Variants in TRDN observed in about 807,000 individuals in gnomAD.
TRDN encodes the protein triadin in skeletal muscle.
TRDN carries 161 observed loss-of-function variants against 149.7 expected under a neutral mutation model. The ratio of observed to expected loss-of-function variants is 1.08; its 90% CI spans 0.95 to 1.23. TRDN has a LOEUF of 1.23. Among genes scored for constraint, TRDN ranks in the 50% most tolerant of loss-of-function variants. TRDN has a pLI of 0.00. For synonymous variants in TRDN, 294 were observed against 250.5 expected (o/e 1.17, Z -1.64); for missense variants, 896 against 823.5 (o/e 1.09, Z -1.08).
chr6:123,225,342 T>C (rs1238744730), intron 38 of TRDN, among the ~76,000 whole-genome samples: 2 of 151,692 alleles, frequency 1.3e-5, no homozygotes, highest in Non-Finnish European at 3.0e-5. Flanking sequence ...AAAATTTGTT[T>C]GTTTATTTAT....
At chr6:123,223,652 G>T (rs1317172386) in intron 39 of TRDN, among the ~76,000 whole-genome samples, 2 of 149,300 alleles carry the variant, frequency 1.3e-5, no homozygotes, top group South Asian at 4.3e-4. Flanking sequence ...GAGTGCAGGG[G>T]TTGAGTCCAG....
intron 24 of TRDN, among the ~76,000 whole-genome samples, chr6:123,308,910 T>G (rs1778712004): frequency 6.6e-6 from 1 of 152,080 alleles, no homozygotes; most frequent in Non-Finnish European, 1.5e-5. Flanking sequence ...AGTGATTTTT[T>G]AAAACTTAAA....
At chr6:123,449,116 G>A (rs1775601764) in intron 10 of TRDN, among the ~76,000 whole-genome samples, 1 of 152,108 alleles carries the variant, frequency 6.6e-6, no homozygotes, top group Non-Finnish European at 1.5e-5. Context: ...CTACCCAAAT[G>A]AGAAGGAACC....
intron 4 of TRDN, among the ~76,000 whole-genome samples, chr6:123,532,445 T>C (rs1315532477): frequency 6.6e-6 from 1 of 152,022 alleles, no homozygotes; most frequent in Non-Finnish European, 1.5e-5. Context: ...TGGATGGGCT[T>C]CTCTGATTTC....
chr6:123,595,112 G>A (rs901433552), intron 1 of TRDN, among the ~76,000 whole-genome samples: 2 of 151,950 alleles, frequency 1.3e-5, no homozygotes, highest in East Asian at 3.9e-4. Context: ...ACATTTCCTG[G>A]TGTCCTGCAA....
At chr6:123,521,712 G>A (rs1779692309) in intron 5 of TRDN, among the ~76,000 whole-genome samples, 1 of 152,034 alleles carries the variant, frequency 6.6e-6, no homozygotes, top group Admixed American at 6.6e-5. Context: ...TGTCAGCTTA[G>A]CTTTTGTGTC....
At chr6:123,376,473 C>G (rs186623825) in intron 18 of TRDN, among the ~76,000 whole-genome samples, 1 of 152,112 alleles carries the variant, frequency 6.6e-6, no homozygotes, top group East Asian at 1.9e-4. Context: ...CTCAATAAGC[C>G]ATCATCAAGC....
At chr6:123,555,261 G>A (rs191270019) in intron 2 of TRDN, among the ~76,000 whole-genome samples, 3 of 152,096 alleles carry the variant, frequency 2.0e-5, no homozygotes, top group Admixed American at 2.0e-4. Flanking sequence ...TTGTCATCAC[G>A]GTGGAAGAGA....
chr6:123,258,186 T>A (rs921477225), intron 35 of TRDN, among the ~76,000 whole-genome samples: 2 of 152,158 alleles, frequency 1.3e-5, no homozygotes, highest in African/African-American at 2.4e-5. Flanking sequence ...ATAGGAGTGG[T>A]GAAAGAGGGC....
chr6:123,625,324 A>G (rs2114724045), intron 1 of TRDN, among the ~76,000 whole-genome samples: 1 of 152,306 alleles, frequency 6.6e-6, no homozygotes, highest in Non-Finnish European at 1.5e-5. Context: ...GCAATAAAGC[A>G]AATAATTGCA....
chr6:123,501,028 G>GTTTT (rs1329589612), intron 8 of TRDN, among the ~76,000 whole-genome samples: 3 of 151,854 alleles, frequency 2.0e-5, no homozygotes, highest in Non-Finnish European at 4.4e-5. Context: ...AACAGATTTA[G>GTTTT]ATGGGTTCAT....
At chr6:123,286,551 T>C (rs1484325666) in intron 24 of TRDN, among the ~76,000 whole-genome samples, 2 of 152,020 alleles carry the variant, frequency 1.3e-5, no homozygotes, top group East Asian at 3.9e-4. Flanking sequence ...GGGTGAGGGA[T>C]AAAAGACTAC....
At chr6:123,466,919 T>A (rs891113619) in intron 9 of TRDN, among the ~76,000 whole-genome samples, 1 of 152,096 alleles carries the variant, frequency 6.6e-6, no homozygotes, top group East Asian at 1.9e-4. Context: ...TTATAGTCTT[T>A]TATAGTCTTG....
intron 10 of TRDN, chr6:123,456,941 A>G: frequency 2.3e-6 from 1 of 431,402 alleles, no homozygotes; most frequent in South Asian, 1.7e-5. Context: ...TCGCAAACAA[A>G]TGTTTTATAA....
chr6:123,526,225 T>A (rs944991197), intron 5 of TRDN, among the ~76,000 whole-genome samples: 3 of 151,932 alleles, frequency 2.0e-5, no homozygotes, highest in Non-Finnish European at 4.4e-5. Flanking sequence ...GCTATTAGAA[T>A]TAGGTAAGCC....
At chr6:123,614,084 T>C (rs1784944924) in intron 1 of TRDN, among the ~76,000 whole-genome samples, 1 of 151,902 alleles carries the variant, frequency 6.6e-6, no homozygotes, top group Non-Finnish European at 1.5e-5. Flanking sequence ...CCTCAGTACC[T>C]GGGGGGCTTG....
intron 4 of TRDN, among the ~76,000 whole-genome samples, chr6:123,543,277 AT>A (rs1168089954): frequency 6.6e-6 from 1 of 152,156 alleles, no homozygotes; most frequent in Non-Finnish European, 1.5e-5. Flanking sequence ...GTCATTTACT[AT>A]TTTATTTAAT....
At chr6:123,250,680 T>C (rs566231383) in intron 38 of TRDN, among the ~76,000 whole-genome samples, 1 of 152,218 alleles carries the variant, frequency 6.6e-6, no homozygotes, top group East Asian at 1.9e-4. Flanking sequence ...AAATGATATA[T>C]TTTTCTTTCT....
chr6:123,538,400 T>A (rs6569349), intron 4 of TRDN, among the ~76,000 whole-genome samples: 79,805 of 151,956 alleles, frequency 0.53, 21,941 homozygotes, highest in African/African-American at 0.62. Context: ...ATTAATATTT[T>A]AGATAAATAT....
Sources: allele counts gnomAD v4.1 joint callset (sites outside exome capture counted in the v4.1 genomes callset), GRCh38; gene constraint gnomAD v4.1.1; transcripts MANE v1.5; gene names NCBI Gene and HGNC (gene_info 2026-07-23, HGNC 2026-07-21).